Variants in RCOR1 observed in about 807,000 individuals in gnomAD.
RCOR1 encodes REST corepressor 1.
In RCOR1, 12 loss-of-function variants were observed where a neutral mutation model predicts 64.0. The observed-to-expected ratio is 0.19, with a 90% CI of 0.12 to 0.30. RCOR1 has a LOEUF of 0.30. RCOR1 is among the 10% of genes least tolerant of loss of function. The pLI is 1.00. For missense variants in RCOR1, 502 were observed against 621.2 expected (o/e 0.81, Z 2.04); for synonymous variants, 279 against 227.2 (o/e 1.23, Z -2.05).
At chr14:102,656,883 C>G (rs1894738583) in intron 2 of RCOR1, among the ~76,000 whole-genome samples, 1 of 151,622 alleles carries the variant, frequency 6.6e-6, no homozygotes, top group South Asian at 2.1e-4. Flanking sequence ...TCAGGTGATT[C>G]TCTTGCCTCA....
chr14:102,690,512 G>T (rs760279813), intron 3 of RCOR1, among the ~76,000 whole-genome samples: 1 of 152,068 alleles, frequency 6.6e-6, no homozygotes, highest in Non-Finnish European at 1.5e-5. Flanking sequence ...GATCACTTGA[G>T]CCCAGGAGGT....
At chr14:102,616,224 GTGTGTGTGTGTGTGTGTGTGTGTGTA>G (rs869171829) in intron 2 of RCOR1, among the ~76,000 whole-genome samples, 1 of 84,044 alleles carries the variant, frequency 1.2e-5, no homozygotes, top group Non-Finnish European at 2.9e-5. Context: ...GTGTGTGTGT[GTGTGTGTGTGTGTGTGTGTGTGTGTA>G]TGTGTGTGTG....
At chr14:102,622,724 G>C (rs559123164) in intron 2 of RCOR1, among the ~76,000 whole-genome samples, 1 of 151,976 alleles carries the variant, frequency 6.6e-6, no homozygotes, top group Non-Finnish European at 1.5e-5. Flanking sequence ...AAGAGTACTT[G>C]CCTGCCCCTC....
chr14:102,646,980 TCA>T lies in RCOR1; in HGVS notation c.362-34914_362-34913del, dbSNP rs1894488484. ...AATACTTTAGAGTTAATGGATTGGTTCAGGAGCTCCAACATCTGCACTGTTAG... is the reference window on the plus strand; with the variant it reads ...AATACTTTAGAGTTAATGGATTGGTTGGAGCTCCAACATCTGCACTGTTAG... On this transcript the variant is annotated intron_variant, in intron 2 of 11. Coordinates refer to ENST00000262241, the MANE Select transcript of RCOR1 (RefSeq NM_015156.4). Among the ~76,000 whole-genome samples, 4 of 152,328 alleles carry T rather than the reference TCA, an allele frequency of 2.6e-5. No individual in the cohort carries two copies. The South Asian group carries it at 8.3e-4, about 32-fold the overall frequency.
intron 2 of RCOR1, among the ~76,000 whole-genome samples, chr14:102,639,183 A>G (rs1274787561): frequency 6.6e-6 from 1 of 152,094 alleles, no homozygotes; most frequent in African/African-American, 2.4e-5. Flanking sequence ...AAGGTAACTA[A>G]ACAGCGTAAT....
intron 2 of RCOR1, among the ~76,000 whole-genome samples, chr14:102,671,587 G>A (rs1430881000): frequency 2.6e-5 from 4 of 152,108 alleles, no homozygotes; most frequent in Non-Finnish European, 4.4e-5. Flanking sequence ...CAGAGATAGG[G>A]TCTCACTGTG....
chr14:102,707,308 G>GT, intron 4 of RCOR1, 43 bp from the exon 5 acceptor site: 1 of 1,435,108 alleles, frequency 7.0e-7, no homozygotes, highest in South Asian at 1.3e-5. Flanking sequence ...CATTTTCATT[G>GT]TTTTTTGTTT....
chr14:102,605,165 G>A (rs903006568), intron 2 of RCOR1, among the ~76,000 whole-genome samples: 8 of 151,992 alleles, frequency 5.3e-5, no homozygotes, highest in African/African-American at 1.7e-4. Flanking sequence ...CCCAGGTGTT[G>A]GGGAATTTTA....
At chr14:102,659,264 A>G in intron 2 of RCOR1, 1 of 985,356 alleles carries the variant, frequency 1.0e-6, no homozygotes, top group Non-Finnish European at 1.2e-6. Flanking sequence ...GCAGGGTTGC[A>G]TTGGCCTTCA....
At chr14:102,673,208 G>A (rs1895063658) in intron 2 of RCOR1, among the ~76,000 whole-genome samples, 1 of 151,830 alleles carries the variant, frequency 6.6e-6, no homozygotes, top group African/African-American at 2.4e-5. Flanking sequence ...CAACATTTAA[G>A]TTATGATATT....
intron 3 of RCOR1, among the ~76,000 whole-genome samples, chr14:102,684,145 GC>G (rs961312153): frequency 1.3e-5 from 2 of 152,184 alleles, no homozygotes; most frequent in African/African-American, 2.4e-5. Flanking sequence ...CAGCACCCCT[GC>G]CCCCAACCCG....
Position 102,726,517 on chromosome 14 carries a change from G to T in RCOR1, c.*11G>T. 1 of 1,604,828 alleles carries T rather than the reference G, an allele frequency of 6.2e-7. No homozygotes were observed. The highest frequency in any genetic ancestry group is 8.5e-7 in the Non-Finnish European group (1 of 1,177,376). On this transcript the variant is annotated 3_prime_UTR_variant, in exon 12 of 12. Transcript: ENST00000262241. ...GCATCTGCCTCCTGAGAAACTGGTG[G>T]CTTTGAACACTTGGTGTGGACTACT...
At chr14:102,606,440 T>C (rs2139885066) in intron 2 of RCOR1, among the ~76,000 whole-genome samples, 1 of 152,172 alleles carries the variant, frequency 6.6e-6, no homozygotes, top group Admixed American at 6.6e-5. Context: ...CTGCTGGGCT[T>C]GGTGTTCTGC....
chr14:102,646,992 A>G (rs1033287422), intron 2 of RCOR1, among the ~76,000 whole-genome samples: 3 of 152,254 alleles, frequency 2.0e-5, no homozygotes, highest in African/African-American at 4.8e-5. Flanking sequence ...AGGAGCTCCA[A>G]CATCTGCACT....
intron 2 of RCOR1, among the ~76,000 whole-genome samples, chr14:102,666,027 T>G (rs1894911230): frequency 6.6e-6 from 1 of 151,958 alleles, no homozygotes; most frequent in Non-Finnish European, 1.5e-5. Flanking sequence ...GTTATGAGAG[T>G]ATTGAAGAGG....
chr14:102,661,551 C>T (rs1315103700), intron 2 of RCOR1, among the ~76,000 whole-genome samples: 1 of 152,060 alleles, frequency 6.6e-6, no homozygotes, highest in Non-Finnish European at 1.5e-5. Flanking sequence ...ATTTAGTCAA[C>T]AGTATAATTA....
intron 4 of RCOR1, 85 bp from the exon 5 acceptor site, chr14:102,707,266 C>T (rs978304677): frequency 7.8e-6 from 9 of 1,151,222 alleles, no homozygotes; most frequent in Admixed American, 2.5e-5. Flanking sequence ...AATATGAAGT[C>T]GTTTTTACTT....
At chr14:102,670,335 T>A (rs1895006680) in intron 2 of RCOR1, among the ~76,000 whole-genome samples, 1 of 152,202 alleles carries the variant, frequency 6.6e-6, no homozygotes, top group Admixed American at 6.5e-5. Context: ...GTGTCCTTTT[T>A]ATATAGGTAT....
intron 2 of RCOR1, among the ~76,000 whole-genome samples, chr14:102,598,761 TATAAA>T (rs754028319): frequency 2.0e-5 from 3 of 152,216 alleles, no homozygotes; most frequent in Non-Finnish European, 4.4e-5. Context: ...ATTCAGTTCT[TATAAA>T]ATAATTAATA....
Sources: allele counts gnomAD v4.1 joint callset (sites outside exome capture counted in the v4.1 genomes callset), GRCh38; gene constraint gnomAD v4.1.1; transcripts MANE v1.5; gene names NCBI Gene and HGNC (gene_info 2026-07-23, HGNC 2026-07-21).